Variants in CDKN2B-AS1 observed in about 807,000 individuals in gnomAD.
The protein encoded by CDKN2B-AS1 is CDKN2B and CDKN2A antisense cis and trans regulatory RNA 1, also known as CDKN2B antisense RNA 1 (non-protein coding).
chr9:22,092,301 C>A (rs1414947212), intron 4 of CDKN2B-AS1: 1 of 152,108 alleles, frequency 6.6e-6, no homozygotes, highest in African/African-American at 2.4e-5. Flanking sequence ...TGTTGTGTCT[C>A]TGCCAGGCTT....
intron 1 of CDKN2B-AS1, among the ~76,000 whole-genome samples, chr9:22,024,224 A>G (rs1325141527): frequency 6.6e-6 from 1 of 152,190 alleles, no homozygotes; most frequent in African/African-American, 2.4e-5. Flanking sequence ...TTCACCTCCC[A>G]ACTCCTGGAC....
chr9:22,110,625 T>C (rs990041317), intron 4 of CDKN2B-AS1, among the ~76,000 whole-genome samples: 1 of 152,174 alleles, frequency 6.6e-6, no homozygotes, highest in Non-Finnish European at 1.5e-5. Flanking sequence ...ACTATGATTA[T>C]TTTTTGTGTC....
rs954694847 is a variant in CDKN2B-AS1 at position 22,001,938 on chromosome 9, C to T, written n.29+6777C>T. Among the ~76,000 whole-genome samples the T allele has an allele frequency of 1.3e-5, 2 of 152,004 alleles. No individual in the cohort carries two copies. The highest frequency in any genetic ancestry group is 2.1e-4 in the South Asian group (1 of 4,824). On this transcript the variant is annotated intron_variant and non_coding_transcript_variant, in intron 1 of 4. Coordinates refer to ENST00000650946, the Ensembl canonical transcript of CDKN2B-AS1. The surrounding 1 kb of genome is among the most constrained non-coding windows in gnomAD (Gnocchi z 4.2). ...TCTTCATTCCCTCTTTCTTTCCTGT[C>T]GTTATAAGTAGAATAGGAAAATATT...
intron 1 of CDKN2B-AS1, among the ~76,000 whole-genome samples, chr9:22,015,402 G>T (rs989881640): frequency 6.6e-6 from 1 of 152,018 alleles, no homozygotes; most frequent in African/African-American, 2.4e-5. Flanking sequence ...TTTAAATCAG[G>T]TAATGTAACC....
chr9:22,113,598 C>T (rs927157728), intron 4 of CDKN2B-AS1: 4 of 152,166 alleles, frequency 2.6e-5, no homozygotes, highest in Non-Finnish European at 5.9e-5. Context: ...TTTGCTAAAT[C>T]TCCCAAGCCT....
chr9:22,002,904 G>A (rs1407840343), intron 1 of CDKN2B-AS1: 1 of 183,982 alleles, frequency 5.4e-6, no homozygotes, highest in African/African-American at 2.3e-5. Flanking sequence ...CCAAATGAAT[G>A]TTATTAAATT....
chr9:22,119,780 T>C (rs1826051549), intron 4 of CDKN2B-AS1: 1 of 152,198 alleles, frequency 6.6e-6, no homozygotes, highest in South Asian at 2.1e-4. Context: ...TATAGGCTAG[T>C]TGTTTGTAGT....
intron 1 of CDKN2B-AS1, among the ~76,000 whole-genome samples, chr9:22,015,082 G>A (rs1302803134): frequency 2.0e-5 from 3 of 152,020 alleles, no homozygotes; most frequent in Non-Finnish European, 2.9e-5. Flanking sequence ...GTGTGCATGT[G>A]TCTTTATAGC....
rs552424262 is a variant in CDKN2B-AS1 at position 22,115,356 on chromosome 9, C to T, written n.439-11747C>T. 3.0e-3 allele frequency among the ~76,000 whole-genome samples: 461 copies of T among 152,180 alleles called. 6 individuals carry two copies. Among genetic ancestry groups the T allele is most frequent in the Middle Eastern group, 0.01 (3 of 294 alleles). On this transcript the variant is annotated intron_variant and non_coding_transcript_variant, in intron 4 of 4. Transcript: ENST00000650946. ...CAGGGTACTAACACTTATGCCAGGA[C>T]GCATGCATAAACTAGGATGGTTCTG...
intron 4 of CDKN2B-AS1, among the ~76,000 whole-genome samples, chr9:22,085,141 A>G (rs1051801408): frequency 3.9e-5 from 6 of 152,226 alleles, no homozygotes; most frequent in African/African-American, 1.4e-4. Flanking sequence ...AAGAACTTCT[A>G]TCTATAAAGA....
intron 4 of CDKN2B-AS1, chr9:22,118,652 C>T (rs1826020806): frequency 6.6e-6 from 1 of 152,164 alleles, no homozygotes; most frequent in Non-Finnish European, 1.5e-5. Flanking sequence ...AGCTATGTCT[C>T]ACAGTCCAGA....
intron 4 of CDKN2B-AS1, among the ~76,000 whole-genome samples, chr9:22,100,321 A>G (rs1825440389): frequency 6.6e-6 from 1 of 152,066 alleles, no homozygotes; most frequent in African/African-American, 2.4e-5. Context: ...CTCCATTCCC[A>G]TCTCCATCCC....
chr9:22,087,245 G>T (rs918342875), intron 4 of CDKN2B-AS1, among the ~76,000 whole-genome samples: 9 of 152,214 alleles, frequency 5.9e-5, no homozygotes, highest in African/African-American at 2.2e-4. Context: ...AAAAGTTGTG[G>T]TTTATACTTT....
At chr9:22,087,027 T>C (rs186192509) in intron 4 of CDKN2B-AS1, among the ~76,000 whole-genome samples, 2 of 152,378 alleles carry the variant, frequency 1.3e-5, no homozygotes, top group Admixed American at 1.3e-4. Context: ...AACCCCATTA[T>C]TGGTCAGTTA....
intron 3 of CDKN2B-AS1, among the ~76,000 whole-genome samples, chr9:22,052,871 A>C (rs1221911949): frequency 1.3e-5 from 2 of 152,204 alleles, no homozygotes; most frequent in Non-Finnish European, 2.9e-5. Context: ...ACAAAGCCCC[A>C]TGCTGTCATT....
chr9:22,061,473 A>G (rs948415008), intron 4 of CDKN2B-AS1, among the ~76,000 whole-genome samples: 10 of 152,198 alleles, frequency 6.6e-5, no homozygotes, highest in Non-Finnish European at 1.5e-4. Flanking sequence ...AAAAGTATAT[A>G]TTGGGCCTAT....
intron 1 of CDKN2B-AS1, among the ~76,000 whole-genome samples, chr9:22,024,239 T>C (rs1389239595): frequency 6.6e-6 from 1 of 152,230 alleles, no homozygotes; most frequent in Non-Finnish European, 1.5e-5. Flanking sequence ...CTGGACTGCA[T>C]GTTCTAACTC....
intron 4 of CDKN2B-AS1, among the ~76,000 whole-genome samples, chr9:22,103,536 A>G (rs1825561284): frequency 6.6e-6 from 1 of 152,204 alleles, no homozygotes; most frequent in Admixed American, 6.5e-5. Flanking sequence ...CTGCCCAATC[A>G]GAAGATGTGA....
At chr9:22,118,395 A>G (rs576515377) in intron 4 of CDKN2B-AS1, 5 of 152,332 alleles carry the variant, frequency 3.3e-5, no homozygotes, top group African/African-American at 4.8e-5. Context: ...TATGAAGGGC[A>G]TAGCCAGCTA....
Sources: gnomAD v4.1 joint callset for allele counts (sites outside exome capture counted in the v4.1 genomes callset) on GRCh38, gnomAD v4.1.1 for gene constraint, Gnocchi (gnomAD v3.1) non-coding constraint, MANE v1.5 for transcripts, NCBI Gene and HGNC (gene_info 2026-07-23, HGNC 2026-07-21) for gene names.